ZSCAN18: variants seen among roughly 807,000 people sequenced by gnomAD.
ZSCAN18 encodes zinc finger and SCAN domain-containing protein 18.
Under a neutral mutation model 31.1 loss-of-function variants are expected in ZSCAN18, and 16 were observed. That is an observed-to-expected ratio of 0.51 (90% confidence interval 0.35 to 0.78). The LOEUF is 0.78. ZSCAN18 is among the 30% of genes least tolerant of loss of function. The pLI is 0.01. For missense variants in ZSCAN18, 731 were observed against 697.4 expected (o/e 1.05, Z -0.54); for synonymous variants, 375 against 320.7 (o/e 1.17, Z -1.81).
chr19:58,110,047 T>C (rs1021633721), intron 1 of ZSCAN18, among the ~76,000 whole-genome samples: 5 of 152,144 alleles, frequency 3.3e-5, no homozygotes, highest in Admixed American at 6.6e-5. Flanking sequence ...GAAAATTTTT[T>C]AAAAATTATT....
At chr19:58,093,241 G>A (rs1568635570) in intron 1 of ZSCAN18, 1 of 152,354 alleles carries the variant, frequency 6.6e-6, no homozygotes, top group Non-Finnish European at 1.5e-5. Flanking sequence ...GGAGAGTAAG[G>A]GTTCTTCACA....
intron 1 of ZSCAN18, among the ~76,000 whole-genome samples, chr19:58,097,296 G>C (rs1599991062): frequency 1.3e-5 from 2 of 152,228 alleles, no homozygotes; most frequent in Middle Eastern, 3.4e-3. Flanking sequence ...CAGATAGTCT[G>C]GACGGGGGTA....
At chr19:58,098,267 G>A (rs1402529106), upstream of ZSCAN18, 2 of 985,416 alleles carry the variant, frequency 2.0e-6, no homozygotes, top group Non-Finnish European at 2.4e-6. Flanking sequence ...GGGCCTCACC[G>A]CGGACTACGA....
At chr19:58,118,401 G>A, upstream of ZSCAN18, 1 of 1,509,912 alleles carries the variant, frequency 6.6e-7, no homozygotes, top group East Asian at 2.8e-5. Flanking sequence ...CCGCATGGGC[G>A]CGCAGAGTTC....
At position 58,109,281 on chromosome 19, in the gene ZSCAN18, C is replaced by A. The variant is rs2074660300; in HGVS notation, c.130+8986G>T. On this transcript the variant is annotated intron_variant, in intron 1 of 1. Transcript: ENST00000595721. ...CCAACACCATCCCAAGTTGATGCTTCCATTTGACTTTTGTTTCCCAGGCTG... is the reference window on the plus strand; with the variant it reads ...CCAACACCATCCCAAGTTGATGCTTACATTTGACTTTTGTTTCCCAGGCTG... The A allele has an allele frequency of 7.3e-6, 9 of 1,231,538 alleles. 1 individual carries two copies. In the South Asian group the frequency reaches 2.5e-4, roughly 34 times the overall value. 76.3% of individuals were successfully genotyped at this position (1,231,538 alleles called of 1,614,324 possible).
rs545565051 is a variant in ZSCAN18 at position 58,108,766 on chromosome 19, T to C, written c.130+9501A>G. 41 of 985,842 alleles carry C rather than the reference T, an allele frequency of 4.2e-5. No individual in the cohort carries two copies. The East Asian group carries it at 4.4e-3, about 106-fold the overall frequency. 61.1% of individuals were successfully genotyped at this position (985,842 alleles called of 1,614,324 possible). On this transcript the variant is annotated intron_variant, in intron 1 of 1. Coordinates refer to the ZSCAN18 transcript ENST00000595721. ...GTGTCCTTCTCCTTTGTGTTGTTCCTTTCTCTGGCAATTACATGTTGTTCA... is the reference window on the plus strand; with the variant it reads ...GTGTCCTTCTCCTTTGTGTTGTTCCCTTCTCTGGCAATTACATGTTGTTCA...
Position 58,084,318 on chromosome 19 carries a change from G to T in ZSCAN18, c.*367C>A. 1 of 200,328 alleles carries T rather than the reference G, an allele frequency of 5.0e-6. No individual in the cohort carries two copies. Among genetic ancestry groups the T allele is most frequent in the Non-Finnish European group, 1.0e-5 (1 of 99,804 alleles). 12.4% of individuals were successfully genotyped at this position (200,328 alleles called of 1,614,324 possible). On this transcript the variant is annotated 3_prime_UTR_variant, in exon 7 of 7. Transcript: ENST00000601144. This position sits in a 1 kb window ranked among gnomAD's most constrained non-coding sequence, Gnocchi z 4.5. ...CTGGGGAGCGCAAACAGGAGGAATC[G>T]GGGCAAGGGTGACTTGAAGAAAGCA... is the stretch of plus-strand genomic sequence containing the variant.
chr19:58,084,743 C>T lies in ZSCAN18; in HGVS notation c.1475G>A (p.Gly492Asp). ...REAQAGARAG[G>D]PPESVEGEAP... is the part of the protein sequence containing the mutation. ...CTCGCCCTCCACGCTCTCTGGGGGA[C>T]CGCCCGCCCTAGCCCCCGCCTGGGC... is the stretch of plus-strand genomic sequence containing the variant. The change falls in exon 7 of 7, where the codon GGT becomes GAT. Residue 492 changes from glycine (G) to aspartate (D), a missense_variant. Gly to Asp is a moderately conservative substitution (Grantham distance 94). This residue lies in a region of ZSCAN18 where 597 missense variants were observed against 499.5 expected (regional missense o/e 1.20). Transcript: ENST00000601144. The surrounding 1 kb of genome is among the most constrained non-coding windows in gnomAD (Gnocchi z 4.5). 1 of 1,548,808 alleles carries T rather than the reference C, an allele frequency of 6.5e-7. No homozygotes were observed. Among genetic ancestry groups the T allele is most frequent in the South Asian group, 1.2e-5 (1 of 83,236 alleles).
Position 58,086,154 on chromosome 19 carries a change from C to T in ZSCAN18, c.838+20G>A. 6.2e-7 allele frequency: 1 copy of T among 1,613,090 alleles called. No homozygotes were observed. On this transcript the variant is annotated intron_variant, in intron 6 of 6. Coordinates refer to ENST00000601144, the MANE Select transcript of ZSCAN18 (RefSeq NM_001145543.2). ...AAGCAAACCCCACCCGGCCCTAACA[C>T]CAATTCAACCCAACCTCACCTGGGA...
chr19:58,118,045 G>A (rs2074746511), intron 1 of ZSCAN18, among the ~76,000 whole-genome samples: 1 of 152,094 alleles, frequency 6.6e-6, no homozygotes, highest in African/African-American at 2.4e-5. Context: ...CGCGCCCGGC[G>A]AGGAGATGCG....
At chr19:58,088,615 T>C in intron 3 of ZSCAN18, 73 bp downstream of exon 3, 1 of 1,535,322 alleles carries the variant, frequency 6.5e-7, no homozygotes, top group Non-Finnish European at 8.8e-7. Flanking sequence ...TTCTGCCCTC[T>C]CCCAACCACA....
At chr19:58,085,508 T>C (rs1482453101) in intron 6 of ZSCAN18, 129 bp from the exon 7 acceptor site, 1 of 815,306 alleles carries the variant, frequency 1.2e-6, no homozygotes, top group Non-Finnish European at 1.8e-6. Flanking sequence ...GGCTCACGGC[T>C]GTTTGGAAGC....
In ZSCAN18 at chr19:58,084,699, C is replaced by G. The variant is rs771715014; in HGVS notation, c.1519G>C (p.Glu507Gln). The G allele has an allele frequency of 1.3e-6, 2 of 1,500,094 alleles. No individual in the cohort carries two copies. Among genetic ancestry groups the G allele is most frequent in the East Asian group, 2.3e-5 (1 of 43,268 alleles). The allele number at this position is 1,500,094 out of a possible 1,614,324, so 92.9% of individuals were successfully genotyped here. A position where few individuals can be genotyped will look rare whatever the true frequency, so the allele number is the denominator to read the frequency against. The change falls in exon 7 of 7, where the codon GAG (glutamate) becomes CAG (glutamine). Residue 507 changes from glutamate to glutamine, a missense_variant. Glu to Gln is a conservative substitution (Grantham distance 29). This residue lies in a region of ZSCAN18 where 597 missense variants were observed against 499.5 expected (regional missense o/e 1.20). Coordinates refer to ENST00000601144, the MANE Select transcript of ZSCAN18 (RefSeq NM_001145543.2). This position sits in a 1 kb window ranked among gnomAD's most constrained non-coding sequence, Gnocchi z 4.5. The part of the protein sequence containing the change: ...VEGEAPPAPP[E>Q]AQR ...AGCACAGCGGCTCACCTCTGCGCCT[C>G]TGGGGGTGCGGGGGGAGCCTCGCCC...
chr19:58,098,610 G>C (rs2074565701), upstream of ZSCAN18, among the ~76,000 whole-genome samples: 1 of 152,202 alleles, frequency 6.6e-6, no homozygotes, highest in Non-Finnish European at 1.5e-5. Flanking sequence ...GAGATGTACA[G>C]AGTCGGACAC....
chr19:58,084,406 G>A lies in ZSCAN18; in HGVS notation c.*279C>T. ...ACAATGTCAAATAACCTAGCATGGG[G>A]CGGCACTAAATGGCTGCAGGAAAGC... On this transcript the variant is annotated 3_prime_UTR_variant, in exon 7 of 7. Coordinates refer to ENST00000601144, the MANE Select transcript of ZSCAN18 (RefSeq NM_001145543.2). The surrounding 1 kb of genome is among the most constrained non-coding windows in gnomAD (Gnocchi z 4.5). 2.5e-6 allele frequency: 1 copy of A among 405,898 alleles called. No individual in the cohort carries two copies. Among genetic ancestry groups the A allele is most frequent in the Admixed American group, 4.2e-5 (1 of 23,862 alleles). 25.1% of individuals were successfully genotyped at this position (405,898 alleles called of 1,614,324 possible).
At position 58,085,314 on chromosome 19, in the gene ZSCAN18, G is replaced by A; in HGVS notation, c.904C>T (p.Pro302Ser). The A allele has an allele frequency of 6.3e-7, 1 of 1,597,900 alleles. No individual in the cohort carries two copies. Among genetic ancestry groups the A allele is most frequent in the Non-Finnish European group, 8.5e-7 (1 of 1,178,310 alleles). Residue 302 changes from proline to serine, a missense_variant, in exon 7 of 7, where the codon CCT (proline) becomes TCT (serine). This residue lies in a region of ZSCAN18 where 597 missense variants were observed against 499.5 expected (regional missense o/e 1.20). Transcript: ENST00000601144. ...GGGGGCGCCTCCGTAGGCAGCTCAG[G>A]CAGCACCCCCGCGGGGGCGGCCTCC... ...CEEAAPAGVL[P>S]ELPTEAPPGD...
In ZSCAN18 at chr19:58,085,115, C is replaced by T. The variant is rs1301403865; in HGVS notation, c.1103G>A (p.Gly368Glu). The change falls in exon 7 of 7, where the codon GGA (glycine) becomes GAA (glutamate). Residue 368 changes from glycine to glutamate, a missense_variant. Around this residue, in one of 4 missense-constraint regions of ZSCAN18, gnomAD observed 597 missense variants for 499.5 expected, o/e 1.20. Coordinates refer to ENST00000601144, the MANE Select transcript of ZSCAN18 (RefSeq NM_001145543.2). ...PAPDRGTAKLGTKRPHPEDGD... is the reference protein window; with the variant it reads ...PAPDRGTAKLETKRPHPEDGD... ...ATCCTCGGGGTGCGGCCTCTTGGTT[C>T]CCAGTTTCGCCGTGCCCCTGTCCGG... 2.5e-6 allele frequency: 4 copies of T among 1,607,082 alleles called. No homozygotes were observed. Among genetic ancestry groups the T allele is most frequent in the Admixed American group, 1.7e-5 (1 of 59,234 alleles).
intron 1 of ZSCAN18, among the ~76,000 whole-genome samples, chr19:58,116,064 T>A (rs989959915): frequency 2.7e-5 from 4 of 150,380 alleles, no homozygotes; most frequent in African/African-American, 9.9e-5. Context: ...TAGTACAAGG[T>A]TGGGGAGAGA....
At chr19:58,117,709 G>T (rs2074742014) in intron 1 of ZSCAN18, among the ~76,000 whole-genome samples, 1 of 118,286 alleles carries the variant, frequency 8.5e-6, no homozygotes. Flanking sequence ...AAGGCCATCT[G>T]TGCCCGCAGG....
Sources: allele counts gnomAD v4.1 joint callset (sites outside exome capture counted in the v4.1 genomes callset), GRCh38; gene constraint gnomAD v4.1.1; regional missense constraint gnomAD v4.1.1; non-coding constraint Gnocchi (gnomAD v3.1); transcripts MANE v1.5; gene names NCBI Gene and HGNC (gene_info 2026-07-23, HGNC 2026-07-21).